Variants in TLN2 observed in about 807,000 individuals in gnomAD.
TLN2 encodes the protein talin 2, also known as talin-2.
In TLN2, 118 loss-of-function variants were observed where a neutral mutation model predicts 294.7. That is an observed-to-expected ratio of 0.40 (90% CI 0.34 to 0.47). The LOEUF is 0.47. Among genes scored for constraint, TLN2 ranks in the 20% least tolerant of loss-of-function variants. The pLI is 0.84. For synonymous variants in TLN2, 1,431 were observed against 1,304.5 expected (o/e 1.10, Z -2.09); for missense variants, 3,083 against 3,282.2 (o/e 0.94, Z 1.48).
At position 62,739,349 on chromosome 15, in the gene TLN2, T is replaced by C. The variant is rs923580260; in HGVS notation, c.3689T>C (p.Leu1230Pro). 4 of 1,612,534 alleles carry C rather than the reference T, an allele frequency of 2.5e-6. No homozygotes were observed. Among genetic ancestry groups the C allele is most frequent in the African/African-American group, 2.7e-5 (2 of 74,888 alleles). ...GGGTGTGCCGTCTGTTCCCCACAGC[T>C]ACCTCCAAGCACGAAGCCTTTCCAG... ...ESSKKLLVDS[L>P]PPSTKPFQEA... The change falls in exon 31 of 59, where the codon CTA (leucine) becomes CCA (proline). Residue 1230 changes from leucine to proline, a missense_variant and splice_region_variant. Transcript: ENST00000636159.
At chr15:62,697,551 C>T in intron 14 of TLN2, 137 bp from the exon 15 acceptor site, 1 of 873,216 alleles carries the variant, frequency 1.1e-6, no homozygotes, top group South Asian at 2.0e-5. Context: ...TTCATTCCTG[C>T]TTCTCAGTCT....
chr15:62,740,402 G>A (rs2061260522), intron 31 of TLN2: 1 of 500,194 alleles, frequency 2.0e-6, no homozygotes, highest in Admixed American at 3.5e-5. Context: ...GACCCACTTG[G>A]GGATGGATTT....
At chr15:62,706,382 C>T (rs2059071841) in intron 19 of TLN2, among the ~76,000 whole-genome samples, 1 of 152,244 alleles carries the variant, frequency 6.6e-6, no homozygotes, top group African/African-American at 2.4e-5. Context: ...TAGCTCCTCG[C>T]ATTTTCAGTC....
chr15:62,625,301 T>C lies in TLN2; in HGVS notation c.-37+6826T>C, dbSNP rs868520716. On this transcript the variant is annotated intron_variant, in intron 3 of 58. Coordinates refer to ENST00000636159, the MANE Select transcript of TLN2 (RefSeq NM_015059.3). ...AAAGCTTGGCCAAGATGGAGTCATC[T>C]TGATCACCCCTGGAACCTTTCAATG... Among the ~76,000 whole-genome samples, 3 of 152,310 alleles carry C rather than the reference T, an allele frequency of 2.0e-5. No individual in the cohort carries two copies. In the Middle Eastern group the frequency reaches 0.01, roughly 518 times the overall value.
chr15:62,468,746 A>G (rs1459630764), intron 1 of TLN2, among the ~76,000 whole-genome samples: 1 of 115,358 alleles, frequency 8.7e-6, no homozygotes, highest in Non-Finnish European at 1.8e-5. Flanking sequence ...CTCTGTCTCA[A>G]AAAAAAAATA....
At chr15:62,702,651 C>T in intron 18 of TLN2, 115 bp from the exon 19 acceptor site, 1 of 977,646 alleles carries the variant, frequency 1.0e-6, no homozygotes. Context: ...CTGAGATTCT[C>T]ACTGTCAGAC....
At chr15:62,434,328 T>C (rs1290808730) in intron 1 of TLN2, among the ~76,000 whole-genome samples, 1 of 152,250 alleles carries the variant, frequency 6.6e-6, no homozygotes, top group Admixed American at 6.5e-5. Context: ...CATTGTAAGT[T>C]ATATCCTATT....
chr15:62,780,494 TCTC>T (rs2064067270), intron 43 of TLN2, among the ~76,000 whole-genome samples: 1 of 152,142 alleles, frequency 6.6e-6, no homozygotes, highest in Admixed American at 6.5e-5. Flanking sequence ...TGAATACAAA[TCTC>T]CTACACCAAT....
chr15:62,751,513 T>G (rs1333427315), intron 34 of TLN2, among the ~76,000 whole-genome samples: 3 of 152,250 alleles, frequency 2.0e-5, no homozygotes, highest in Non-Finnish European at 4.4e-5. Context: ...TTTAGGGAAT[T>G]TGTTCCCTTC....
At chr15:62,554,628 A>C (rs2042508081) in intron 1 of TLN2, among the ~76,000 whole-genome samples, 2 of 152,046 alleles carry the variant, frequency 1.3e-5, no homozygotes, top group South Asian at 4.2e-4. Context: ...TAAAAAATAC[A>C]CTTTTACCAA....
chr15:62,599,647 T>C (rs1596304219), intron 2 of TLN2, among the ~76,000 whole-genome samples: 1 of 152,200 alleles, frequency 6.6e-6, no homozygotes, highest in Admixed American at 6.5e-5. Context: ...ATTTCCCAGA[T>C]ATGTTCTATA....
chr15:62,417,812 A>G (rs1163446674), intron 1 of TLN2, among the ~76,000 whole-genome samples: 2 of 152,326 alleles, frequency 1.3e-5, no homozygotes, highest in East Asian at 3.9e-4. Flanking sequence ...ATTGGGACAG[A>G]AATGTAAAAG....
rs149744679 is a variant in TLN2, at chr15:62,635,319, C to T, written c.-36-11956C>T. On this transcript the variant is annotated intron_variant, in intron 3 of 58. Coordinates refer to ENST00000636159, the MANE Select transcript of TLN2 (RefSeq NM_015059.3). ...TTCAAAAAAAAATCCTTATTGCATC[C>T]TTATTTATGATAGGAAAAACTTGTA... is the stretch of plus-strand genomic sequence containing the variant. Among the ~76,000 whole-genome samples the T allele has an allele frequency of 6.4e-3, 975 of 152,060 alleles. 14 individuals carry two copies. The highest frequency in any genetic ancestry group is 0.023 in the African/African-American group (938 of 41,492).
chr15:62,681,367 T>G (rs1375008722), intron 11 of TLN2, among the ~76,000 whole-genome samples: 1 of 152,178 alleles, frequency 6.6e-6, no homozygotes, highest in Non-Finnish European at 1.5e-5. Context: ...AATAAGTAAA[T>G]GAAATTATAA....
chr15:62,703,457 T>A (rs1595721877), intron 19 of TLN2, among the ~76,000 whole-genome samples: 1 of 152,058 alleles, frequency 6.6e-6, no homozygotes. Context: ...AGGGAGGAAA[T>A]ATTAATAGTG....
At chr15:62,570,341 A>T (rs1159649689) in intron 1 of TLN2, among the ~76,000 whole-genome samples, 3 of 152,186 alleles carry the variant, frequency 2.0e-5, no homozygotes, top group African/African-American at 7.2e-5. Context: ...TGGCCGTTGG[A>T]AAAAAGCAAA....
At chr15:62,730,764 T>A (rs543172629) in intron 28 of TLN2, among the ~76,000 whole-genome samples, 6 of 152,316 alleles carry the variant, frequency 3.9e-5, no homozygotes, top group Non-Finnish European at 8.8e-5. Flanking sequence ...TGAGTTTTTT[T>A]AGTCTTCGAT....
At chr15:62,447,534 G>A (rs1412337551) in intron 1 of TLN2, among the ~76,000 whole-genome samples, 8 of 144,904 alleles carry the variant, frequency 5.5e-5, no homozygotes, top group Non-Finnish European at 8.9e-5. Flanking sequence ...TCGCTCTGTC[G>A]CCCAGGCTGG....
At chr15:62,553,006 A>T (rs1363277277) in intron 1 of TLN2, among the ~76,000 whole-genome samples, 2 of 152,244 alleles carry the variant, frequency 1.3e-5, no homozygotes, top group African/African-American at 4.8e-5. Flanking sequence ...ATATGTGATT[A>T]AACAAGATTG....
Sources: allele counts gnomAD v4.1 joint callset (sites outside exome capture counted in the v4.1 genomes callset), GRCh38; gene constraint gnomAD v4.1.1; transcripts MANE v1.5; gene names NCBI Gene and HGNC (gene_info 2026-07-23, HGNC 2026-07-21).